Variants in AKAP13 observed in about 807,000 individuals in gnomAD.
AKAP13 encodes A-kinase anchor protein 13.
In AKAP13, 80 loss-of-function variants were observed where a neutral mutation model predicts 264.5. The ratio of observed to expected loss-of-function variants is 0.30; its 90% CI spans 0.25 to 0.36. AKAP13 has a LOEUF of 0.36. AKAP13 is among the 10% of genes least tolerant of loss of function. The probability of loss-of-function intolerance (pLI) is 1.00; values close to 1 mark genes in which losing one functional copy is unlikely to be tolerated. For missense variants in AKAP13, 3,712 were observed against 3,435.2 expected (o/e 1.08, Z -2.01); for synonymous variants, 1,380 against 1,250.2 (o/e 1.10, Z -2.19).
rs1484020659 is a variant in AKAP13 at position 85,727,881 on chromosome 15, T to C, written c.7087+418T>C. On this transcript the variant is annotated intron_variant, in intron 29 of 36. Transcript: ENST00000394518. The surrounding 1 kb of genome is among the most constrained non-coding windows in gnomAD (Gnocchi z 5.3). ...CCCCAGTCCCTAGCGTTATCACTTA[T>C]CCGCATGTTTACAAATGAGTTGTGA... Among the ~76,000 whole-genome samples, 2 of 152,226 alleles carry C rather than the reference T, an allele frequency of 1.3e-5. No individual in the cohort carries two copies. The highest frequency in any genetic ancestry group is 4.8e-5 in the African/African-American group (2 of 41,462).
intron 1 of AKAP13, among the ~76,000 whole-genome samples, chr15:85,453,390 A>G (rs974026211): frequency 9.2e-5 from 14 of 152,110 alleles, no homozygotes; most frequent in Non-Finnish European, 1.8e-4. Context: ...CTGCTGTGGT[A>G]TACTTGAGGC....
At chr15:85,484,512 C>T (rs2075465808) in intron 1 of AKAP13, among the ~76,000 whole-genome samples, 1 of 152,196 alleles carries the variant, frequency 6.6e-6, no homozygotes, top group Admixed American at 6.5e-5. Context: ...ACTTGCTTGT[C>T]AGTTTTCTAC....
Position 85,580,907 on chromosome 15 carries a change from T to G in AKAP13, c.2839T>G (p.Leu947Val), listed in dbSNP as rs2079132863. Residue 947 changes from leucine (L) to valine (V), a missense_variant, in exon 7 of 37, where the codon TTG becomes GTG. Coordinates refer to ENST00000394518, the MANE Select transcript of AKAP13 (RefSeq NM_007200.5). ...IKENALSSGTLQEEQRTPPPG... is the reference protein window; with the variant it reads ...IKENALSSGTVQEEQRTPPPG... Reference sequence around the variant, plus strand: ...GGAAAATGCTCTCTCTTCAGGAACTTTGCAGGAAGAGCAGAGAACACCACC... The same window carrying G: ...GGAAAATGCTCTCTCTTCAGGAACTGTGCAGGAAGAGCAGAGAACACCACC... 1 of 1,614,064 alleles carries G rather than the reference T, an allele frequency of 6.2e-7. No homozygotes were observed.
intron 10 of AKAP13, among the ~76,000 whole-genome samples, chr15:85,648,364 G>A (rs189542192): frequency 1.3e-5 from 2 of 152,218 alleles, no homozygotes. Context: ...GTGCCTGGAT[G>A]TTACCATCTC....
At chr15:85,742,784 T>TCTGA (rs567155715) in intron 35 of AKAP13, among the ~76,000 whole-genome samples, 29 of 152,272 alleles carry the variant, frequency 1.9e-4, no homozygotes, top group African/African-American at 5.8e-4. Context: ...TTGCCGTTTG[T>TCTGA]TTGATTGATT....
chr15:85,562,827 C>T (rs1187709166), intron 5 of AKAP13, among the ~76,000 whole-genome samples: 4 of 147,458 alleles, frequency 2.7e-5, no homozygotes, highest in African/African-American at 9.9e-5. Flanking sequence ...TCCTGAGTAG[C>T]TGGGATTACA....
chr15:85,554,548 T>G (rs1168191090), intron 5 of AKAP13, among the ~76,000 whole-genome samples: 1 of 152,132 alleles, frequency 6.6e-6, no homozygotes, highest in East Asian at 1.9e-4. Context: ...GGGTAGTTGC[T>G]TGACACTTAC....
chr15:85,432,554 A>G (rs2073069314), intron 1 of AKAP13, among the ~76,000 whole-genome samples: 1 of 152,164 alleles, frequency 6.6e-6, no homozygotes. Context: ...TTACAAGGAG[A>G]ATGTTAGAAT....
At chr15:85,664,936 C>G (rs1269132502) in intron 13 of AKAP13, among the ~76,000 whole-genome samples, 181 bp downstream of exon 13, 2 of 152,170 alleles carry the variant, frequency 1.3e-5, no homozygotes, top group Non-Finnish European at 2.9e-5. Context: ...CATGGTGGCT[C>G]ATGCCTATAA....
intron 17 of AKAP13, among the ~76,000 whole-genome samples, chr15:85,704,182 G>A (rs919799999): frequency 8.5e-5 from 13 of 152,148 alleles, no homozygotes; most frequent in African/African-American, 3.1e-4. Context: ...CTATTCCCAA[G>A]TGATGATCAA....
At chr15:85,540,796 G>A (rs772733831) in intron 4 of AKAP13, among the ~76,000 whole-genome samples, 2 of 152,222 alleles carry the variant, frequency 1.3e-5, no homozygotes, top group African/African-American at 4.8e-5. Flanking sequence ...ATAAAAATGT[G>A]TGAGAAATTA....
Position 85,581,357 on chromosome 15 carries a change from C to T in AKAP13, c.3289C>T (p.Leu1097=), listed in dbSNP as rs745970370. The T allele has an allele frequency of 1.2e-6, 2 of 1,614,228 alleles. No homozygotes were observed. Among genetic ancestry groups the T allele is most frequent in the Admixed American group, 1.7e-5 (1 of 60,026 alleles). ...VTVDVTGVNA[L]QGMAEPRREN... is the part of the protein sequence containing the mutation. ...GGTGGATGTTACAGGGGTTAATGCT[C>T]TACAAGGTATGGCTGAGCCCAGAAG... is the stretch of plus-strand genomic sequence containing the variant. The change falls in exon 7 of 37, where the codon CTA becomes TTA. Residue 1097 remains leucine, a synonymous_variant. Transcript: ENST00000394518.
intron 23 of AKAP13, among the ~76,000 whole-genome samples, chr15:85,720,890 G>C (rs1404358765): frequency 6.6e-6 from 1 of 152,204 alleles, no homozygotes; most frequent in Non-Finnish European, 1.5e-5. Context: ...GAACTCCTAG[G>C]AGTAAAAGTA....
intron 1 of AKAP13, among the ~76,000 whole-genome samples, chr15:85,446,178 A>G (rs2073892544): frequency 6.6e-6 from 1 of 152,170 alleles, no homozygotes; most frequent in Non-Finnish European, 1.5e-5. Flanking sequence ...TGACCAGAGA[A>G]TTGACACATA....
intron 2 of AKAP13, among the ~76,000 whole-genome samples, chr15:85,506,132 A>G (rs2076214140): frequency 6.6e-6 from 1 of 152,174 alleles, no homozygotes; most frequent in African/African-American, 2.4e-5. Flanking sequence ...CTCCGTCTCT[A>G]CTAATACAGA....
At chr15:85,526,263 T>TTTTTG (rs2077037720) in intron 3 of AKAP13, among the ~76,000 whole-genome samples, 1 of 152,208 alleles carries the variant, frequency 6.6e-6, no homozygotes, top group South Asian at 2.1e-4. Context: ...TCTCTCTTTT[T>TTTTTG]TTTTGTTTTG....
intron 1 of AKAP13, among the ~76,000 whole-genome samples, chr15:85,447,308 AATAAG>A (rs2073934729): frequency 6.6e-6 from 1 of 152,264 alleles, no homozygotes; most frequent in South Asian, 2.1e-4. Context: ...ATTATTTTAA[AATAAG>A]AGTTCTTCAG....
intron 5 of AKAP13, among the ~76,000 whole-genome samples, chr15:85,556,847 G>A (rs192637821): frequency 2.0e-5 from 3 of 152,256 alleles, no homozygotes; most frequent in Admixed American, 1.3e-4. Context: ...AGAAGAAGCC[G>A]CCATTTCCAG....
At chr15:85,681,604 G>A (rs1301500928) in intron 14 of AKAP13, among the ~76,000 whole-genome samples, 1 of 151,884 alleles carries the variant, frequency 6.6e-6, no homozygotes, top group African/African-American at 2.4e-5. Flanking sequence ...ATGAGGAAAT[G>A]AAATCCAAAG....
Sources: gnomAD v4.1 joint callset for allele counts (sites outside exome capture counted in the v4.1 genomes callset) on GRCh38, gnomAD v4.1.1 for gene constraint, Gnocchi (gnomAD v3.1) non-coding constraint, MANE v1.5 for transcripts, NCBI Gene and HGNC (gene_info 2026-07-23, HGNC 2026-07-21) for gene names.